SDK1: variants seen among roughly 807,000 people sequenced by gnomAD.
SDK1 encodes the protein sidekick cell adhesion molecule 1, also known as protein sidekick-1.
In SDK1, 157 loss-of-function variants were observed where a neutral mutation model predicts 245.5. That is an observed-to-expected ratio of 0.64 (90% CI 0.56 to 0.73). The LOEUF (loss-of-function observed/expected upper bound fraction) is 0.73, where lower values mean the gene tolerates loss of function less well. Ranked by LOEUF, SDK1 falls within the 30% of genes least tolerant of loss-of-function variation. The pLI is 0.00. For missense variants in SDK1, 3,583 were observed against 3,002.3 expected, an observed-to-expected ratio of 1.19 and a Z score of -4.52; for synonymous variants, 1,647 against 1,278.5, an observed-to-expected ratio of 1.29 and a Z score of -6.15.
At chr7:3,649,489 A>C (rs991861117) in intron 4 of SDK1, among the ~76,000 whole-genome samples, 1 of 151,968 alleles carries the variant, frequency 6.6e-6, no homozygotes, top group African/African-American at 2.4e-5. Flanking sequence ...CTGCTCTAGA[A>C]TTTCACACAA....
chr7:3,748,945 T>C (rs1489242201), intron 4 of SDK1, among the ~76,000 whole-genome samples: 1 of 152,196 alleles, frequency 6.6e-6, no homozygotes, highest in Non-Finnish European at 1.5e-5. Flanking sequence ...AATAACATTC[T>C]AGTTTGTGGT....
chr7:3,768,699 G>A (rs1405838204), intron 4 of SDK1, among the ~76,000 whole-genome samples: 1 of 152,208 alleles, frequency 6.6e-6, no homozygotes, highest in Admixed American at 6.5e-5. Context: ...TTGGCACAGA[G>A]CTGTAGGTAC....
chr7:4,093,842 C>A (rs1322018264), intron 22 of SDK1, among the ~76,000 whole-genome samples: 2 of 152,196 alleles, frequency 1.3e-5, no homozygotes, highest in Non-Finnish European at 2.9e-5. Context: ...GAGGCACTCA[C>A]CTGCGAGGAC....
At chr7:4,053,775 C>CA (rs993090741) in intron 19 of SDK1, among the ~76,000 whole-genome samples, 60 of 152,264 alleles carry the variant, frequency 3.9e-4, no homozygotes, top group African/African-American at 1.4e-3. Flanking sequence ...TCCCTCCTCA[C>CA]AAAAAAGATG....
At chr7:3,603,511 G>C (rs564419909) in intron 1 of SDK1, among the ~76,000 whole-genome samples, 129 of 151,884 alleles carry the variant, frequency 8.5e-4, no homozygotes, top group African/African-American at 3.0e-3. Flanking sequence ...AAGAATGCTT[G>C]TGATTTTTGT....
chr7:3,681,679 A>T (rs901867514), intron 4 of SDK1, among the ~76,000 whole-genome samples: 2 of 152,184 alleles, frequency 1.3e-5, no homozygotes, highest in East Asian at 3.9e-4. Flanking sequence ...TTATATTTTT[A>T]TCCCAAGTAT....
In SDK1 at chr7:3,628,492, C is replaced by G. The variant is rs141846622; in HGVS notation, c.458+9253C>G. Among the ~76,000 whole-genome samples, 615 of 152,188 alleles carry G rather than the reference C, an allele frequency of 4.0e-3. 6 individuals are homozygous for G. The highest frequency in any genetic ancestry group is 0.014 in the African/African-American group (598 of 41,526). ...AGAAGGCATGATCTTATTCCAGGAC[C>G]TTATGGATGCATGTTTGACTCTTCT... On this transcript the variant is annotated intron_variant, in intron 2 of 44. Transcript: ENST00000404826.
intron 5 of SDK1, among the ~76,000 whole-genome samples, chr7:3,861,395 A>T (rs1780688996): frequency 6.6e-6 from 1 of 152,182 alleles, no homozygotes; most frequent in Non-Finnish European, 1.5e-5. Flanking sequence ...TTCTTGCTTG[A>T]TTGTTTTGGT....
intron 1 of SDK1, among the ~76,000 whole-genome samples, chr7:3,404,166 A>C (rs976567181): frequency 6.6e-6 from 1 of 151,946 alleles, no homozygotes; most frequent in South Asian, 2.1e-4. Context: ...CTTGCTGGAC[A>C]TGGGCTGCCA....
chr7:4,077,640 G>T (rs1187232974), intron 21 of SDK1, among the ~76,000 whole-genome samples: 1 of 152,202 alleles, frequency 6.6e-6, no homozygotes, highest in Admixed American at 6.5e-5. Context: ...CATGGCGGAA[G>T]GCAAGGAGGA....
At chr7:4,168,778 G>A (rs1183663616) in intron 32 of SDK1, among the ~76,000 whole-genome samples, 2 of 152,208 alleles carry the variant, frequency 1.3e-5, no homozygotes, top group African/African-American at 2.4e-5. Context: ...AGGTTGCTTG[G>A]CTGGTACTTA....
At chr7:3,808,781 A>T (rs1397808660) in intron 4 of SDK1, among the ~76,000 whole-genome samples, 1 of 152,196 alleles carries the variant, frequency 6.6e-6, no homozygotes, top group Admixed American at 6.5e-5. Flanking sequence ...GGGCTGTCTG[A>T]TAAAGCAAAG....
intron 4 of SDK1, among the ~76,000 whole-genome samples, chr7:3,792,147 A>G (rs1177941187): frequency 6.6e-6 from 1 of 151,748 alleles, no homozygotes; most frequent in Non-Finnish European, 1.5e-5. Flanking sequence ...AAACAAAATA[A>G]CAAAAAAAAC....
intron 22 of SDK1, among the ~76,000 whole-genome samples, chr7:4,105,442 G>A (rs1024940630): frequency 4.6e-5 from 7 of 151,928 alleles, no homozygotes; most frequent in African/African-American, 1.7e-4. Context: ...GAGTAGCTGG[G>A]ACTACAGGCA....
intron 17 of SDK1, among the ~76,000 whole-genome samples, chr7:4,031,520 C>T (rs543503215): frequency 6.6e-6 from 1 of 151,940 alleles, no homozygotes; most frequent in Non-Finnish European, 1.5e-5. Context: ...CAAAAACCTT[C>T]CCGATTACTA....
intron 14 of SDK1, among the ~76,000 whole-genome samples, chr7:4,003,491 C>T (rs1785230484): frequency 6.6e-6 from 1 of 152,214 alleles, no homozygotes; most frequent in African/African-American, 2.4e-5. Flanking sequence ...GTCTTTCCCG[C>T]TCTGTTGCAG....
At chr7:4,230,871 T>G (rs1014120541) in intron 40 of SDK1, among the ~76,000 whole-genome samples, 38 of 152,176 alleles carry the variant, frequency 2.5e-4, no homozygotes, top group Admixed American at 2.5e-3. Context: ...AAAAGGACTC[T>G]TGATTTTCCT....
chr7:3,412,411 T>C (rs954224641), intron 1 of SDK1, among the ~76,000 whole-genome samples: 3 of 152,244 alleles, frequency 2.0e-5, no homozygotes, highest in African/African-American at 7.2e-5. Flanking sequence ...GAGCTGACTC[T>C]CAAGCAGTTT....
At chr7:3,690,485 G>A (rs1337440109) in intron 4 of SDK1, among the ~76,000 whole-genome samples, 3 of 152,054 alleles carry the variant, frequency 2.0e-5, no homozygotes, top group Non-Finnish European at 4.4e-5. Context: ...TTCGTGTAGG[G>A]ATTATAAAAA....
Sources: allele counts gnomAD v4.1 joint callset (sites outside exome capture counted in the v4.1 genomes callset), GRCh38; gene constraint gnomAD v4.1.1; transcripts MANE v1.5; gene names NCBI Gene and HGNC (gene_info 2026-07-23, HGNC 2026-07-21).